The following BLTP3B variants were observed in gnomAD, a reference collection of about 807,000 sequenced individuals.
BLTP3B encodes UHRF1 (ICBP90) binding protein 1-like.
chr12:100,078,673 G>A, the BLTP3B span, among the ~76,000 whole-genome samples: 1 of 152,108 alleles, frequency 6.6e-6, no homozygotes, highest in Admixed American at 6.6e-5. Flanking sequence ...CATCTATATA[G>A]GGTTCCACAT....
At chr12:100,130,543 A>T in the BLTP3B span, among the ~76,000 whole-genome samples, 1 of 152,148 alleles carries the variant, frequency 6.6e-6, no homozygotes. Context: ...TTCTTTAAAA[A>T]TAAGATAAAT....
the BLTP3B span, chr12:100,058,868 T>A: frequency 5.0e-6 from 8 of 1,613,842 alleles, no homozygotes; most frequent in African/African-American, 8.0e-5. Context: ...GATGAATATC[T>A]GCCTCTGACG....
the BLTP3B span, among the ~76,000 whole-genome samples, chr12:100,081,861 C>T: frequency 6.6e-6 from 1 of 152,138 alleles, no homozygotes; most frequent in Non-Finnish European, 1.5e-5. Flanking sequence ...GTGAATAGTG[C>T]TGCCATGAAC....
the BLTP3B span, among the ~76,000 whole-genome samples, chr12:100,048,767 A>AGAGAGAGAGTGT: frequency 8.9e-6 from 1 of 111,840 alleles, no homozygotes; most frequent in African/African-American, 3.7e-5. Context: ...AGAGAGTGAG[A>AGAGAGAGAGTGT]GTGAGTGTGT....
At chr12:100,123,456 C>T in the BLTP3B span, among the ~76,000 whole-genome samples, 1 of 152,124 alleles carries the variant, frequency 6.6e-6, no homozygotes, top group Non-Finnish European at 1.5e-5. Context: ...GTGGAGTTTT[C>T]TCCCCCACAC....
the BLTP3B span, among the ~76,000 whole-genome samples, chr12:100,081,621 T>C: frequency 6.6e-6 from 1 of 152,220 alleles, no homozygotes; most frequent in Admixed American, 6.5e-5. Context: ...TTTGTGTCCA[T>C]GTGCACTCAA....
At chr12:100,079,097 G>A in the BLTP3B span, among the ~76,000 whole-genome samples, 1 of 152,084 alleles carries the variant, frequency 6.6e-6, no homozygotes, top group Non-Finnish European at 1.5e-5. Context: ...TGTATAAATT[G>A]CCCAGTCTTG....
chr12:100,063,726 AAGAAAAAAAGGG>A, the BLTP3B span, among the ~76,000 whole-genome samples: 3 of 151,864 alleles, frequency 2.0e-5, no homozygotes, highest in East Asian at 3.9e-4. Flanking sequence ...AAAAAAGGAA[AAGAAAAAAAGGG>A]AGAATACCAC....
At chr12:100,130,667 G>A in the BLTP3B span, among the ~76,000 whole-genome samples, 3 of 152,134 alleles carry the variant, frequency 2.0e-5, no homozygotes, top group East Asian at 1.9e-4. Flanking sequence ...TGTAATCCCA[G>A]CACTTTGGGA....
At chr12:100,104,884 C>CAAAAAAAA in the BLTP3B span, among the ~76,000 whole-genome samples, 1 of 66,022 alleles carries the variant, frequency 1.5e-5, no homozygotes, top group Non-Finnish European at 2.8e-5. Flanking sequence ...ACTGCTACTA[C>CAAAAAAAA]AAAAAAAAAA....
the BLTP3B span, among the ~76,000 whole-genome samples, chr12:100,089,886 G>A: frequency 6.6e-6 from 1 of 152,114 alleles, no homozygotes; most frequent in East Asian, 1.9e-4. Context: ...ATTCAATCAT[G>A]GGGGTGGCTT....
the BLTP3B span, among the ~76,000 whole-genome samples, chr12:100,050,820 T>C: frequency 2.7e-5 from 4 of 150,870 alleles, no homozygotes; most frequent in African/African-American, 9.8e-5. Context: ...TCTAAAAAAA[T>C]AAAAATAAAA....
chr12:100,059,230 T>C, the BLTP3B span: 1 of 1,614,058 alleles, frequency 6.2e-7, no homozygotes, highest in African/African-American at 1.3e-5. Flanking sequence ...TTAAGAGTGT[T>C]TTTATTCAAT....
At chr12:100,058,725 C>T in the BLTP3B span, 1 of 1,613,916 alleles carries the variant, frequency 6.2e-7, no homozygotes, top group South Asian at 1.1e-5. Flanking sequence ...ACTAGCAGGA[C>T]TGCCAGTTAC....
the BLTP3B span, chr12:100,098,277 G>A: frequency 6.9e-7 from 1 of 1,446,978 alleles, no homozygotes; most frequent in Non-Finnish European, 9.2e-7. Flanking sequence ...GCAACCATGA[G>A]ATGTGATTTT....
chr12:100,133,239 C>G, the BLTP3B span, among the ~76,000 whole-genome samples: 1 of 151,888 alleles, frequency 6.6e-6, no homozygotes, highest in African/African-American at 2.4e-5. Context: ...GAGACTGTGT[C>G]TCAAAAAAAT....
At chr12:100,039,568 G>T in the BLTP3B span, 1 of 1,576,382 alleles carries the variant, frequency 6.3e-7, no homozygotes, top group Non-Finnish European at 8.6e-7. Flanking sequence ...AATTGCTGAA[G>T]CTGAATCTGA....
At chr12:100,136,040 G>A in the BLTP3B span, among the ~76,000 whole-genome samples, 146 of 152,018 alleles carry the variant, frequency 9.6e-4, no homozygotes, top group African/African-American at 3.1e-3. Flanking sequence ...GTGAAACCCC[G>A]TCTCTACTAA....
the BLTP3B span, chr12:100,084,511 G>A: frequency 1.9e-5 from 31 of 1,613,632 alleles, no homozygotes; most frequent in Non-Finnish European, 2.5e-5. Context: ...ATGTGTTGGG[G>A]ATTTAGGAGG....
Sources: gnomAD v4.1 joint callset for allele counts (sites outside exome capture counted in the v4.1 genomes callset) on GRCh38, gnomAD v4.1.1 for gene constraint, MANE v1.5 for transcripts, NCBI Gene and HGNC (gene_info 2026-07-23, HGNC 2026-07-21) for gene names.